PRKCZ: variants seen among roughly 807,000 people sequenced by gnomAD.
PRKCZ encodes the protein protein kinase C zeta.
In PRKCZ, 33 loss-of-function variants were observed where a neutral mutation model predicts 79.5. The ratio of observed to expected loss-of-function variants is 0.41; its 90% confidence interval spans 0.31 to 0.55. PRKCZ has a LOEUF of 0.55. Ranked by LOEUF, PRKCZ falls within the 20% of genes least tolerant of loss-of-function variation. The pLI, the probability that PRKCZ is intolerant of heterozygous loss-of-function variation, is 0.19. For synonymous variants in PRKCZ, 342 were observed against 320.9 expected (o/e 1.07, Z -0.70); for missense variants, 578 against 813.5 (o/e 0.71, Z 3.52).
chr1:2,163,886 G>A (rs890980024), intron 10 of PRKCZ, among the ~76,000 whole-genome samples: 2 of 151,714 alleles, frequency 1.3e-5, no homozygotes, highest in African/African-American at 2.4e-5. Context: ...GCGAGAGAGC[G>A]AGACTCCATC....
At chr1:2,170,076 T>G (rs1684122852) in intron 11 of PRKCZ, among the ~76,000 whole-genome samples, 1 of 152,152 alleles carries the variant, frequency 6.6e-6, no homozygotes, top group African/African-American at 2.4e-5. Flanking sequence ...TGTGCTGTCT[T>G]CATGGTGGCT....
rs772985809 is a variant in PRKCZ at position 2,174,043 on chromosome 1, C to T, written c.1405+27C>T. 5 of 1,564,952 alleles carry T rather than the reference C, an allele frequency of 3.2e-6. No individual in the cohort carries two copies. In the South Asian group the frequency reaches 4.7e-5, roughly 15 times the overall value. On this transcript the variant is annotated intron_variant, in intron 14 of 17. Transcript: ENST00000378567. The surrounding 1 kb of genome is among the most constrained non-coding windows in gnomAD (Gnocchi z 6.2). ...TGCGTGCCCCGCTGTGCGTTCGTAC[C>T]CCTCACCTGCACGACTGTCTTCCTT...
intron 4 of PRKCZ, among the ~76,000 whole-genome samples, chr1:2,111,333 G>T (rs532158761): frequency 1.3e-5 from 2 of 152,214 alleles, no homozygotes; most frequent in African/African-American, 4.8e-5. Context: ...GAGGGTCCCA[G>T]GTTGACAGGG....
chr1:2,134,498 G>A (rs1675752604), intron 4 of PRKCZ, among the ~76,000 whole-genome samples: 1 of 152,214 alleles, frequency 6.6e-6, no homozygotes, highest in Non-Finnish European at 1.5e-5. Context: ...GGGACACGGT[G>A]TTGAGGAAGG....
intron 4 of PRKCZ, among the ~76,000 whole-genome samples, chr1:2,132,637 T>C (rs781037160): frequency 1.3e-5 from 2 of 152,238 alleles, no homozygotes; most frequent in Non-Finnish European, 2.9e-5. Context: ...TCTGTTCCTA[T>C]TTTGACTGCT....
intron 4 of PRKCZ, among the ~76,000 whole-genome samples, chr1:2,081,455 T>C (rs1053336189): frequency 3.3e-5 from 5 of 152,106 alleles, no homozygotes; most frequent in Non-Finnish European, 5.9e-5. Flanking sequence ...CGGGCGAGTC[T>C]GGGCTGTGGG....
intron 4 of PRKCZ, among the ~76,000 whole-genome samples, chr1:2,112,012 G>A (rs1025795436): frequency 1.3e-5 from 2 of 152,154 alleles, no homozygotes; most frequent in Non-Finnish European, 2.9e-5. Flanking sequence ...TCTTCGAGGC[G>A]ATGTTTCCTC....
rs527530390 is a variant in PRKCZ, at chr1:2,116,723, T to G, written c.335-18539T>G. ...GTAACTTGTGTTATGAGTCTCCAAT[T>G]TGGGGTTTTTAGTTTTCAAGGTTAT... is the stretch of plus-strand genomic sequence containing the variant. On this transcript the variant is annotated intron_variant, in intron 4 of 17. Transcript: ENST00000378567. Among the ~76,000 whole-genome samples, 296 of 152,248 alleles carry G rather than the reference T, an allele frequency of 1.9e-3. 3 individuals carry two copies. Among genetic ancestry groups the G allele is most frequent in the African/African-American group, 6.7e-3 (279 of 41,524 alleles).
chr1:2,089,638 A>G (rs2102468197), intron 4 of PRKCZ, among the ~76,000 whole-genome samples: 1 of 152,200 alleles, frequency 6.6e-6, no homozygotes, highest in South Asian at 2.1e-4. Context: ...GAAGGCCACA[A>G]CCTTACCACC....
At chr1:2,164,664 C>G (rs924803568) in intron 10 of PRKCZ, among the ~76,000 whole-genome samples, 6 of 152,232 alleles carry the variant, frequency 3.9e-5, no homozygotes, top group Admixed American at 3.9e-4. Context: ...CGTCTGATCT[C>G]TAGCTTCCCT....
chr1:2,114,130 C>T (rs1045247811), intron 4 of PRKCZ, among the ~76,000 whole-genome samples: 6 of 148,772 alleles, frequency 4.0e-5, no homozygotes, highest in Non-Finnish European at 7.4e-5. Flanking sequence ...GAGGGCTGCA[C>T]CCCCCCACCC....
At chr1:2,160,478 G>A (rs1682025530) in intron 10 of PRKCZ, among the ~76,000 whole-genome samples, 1 of 152,176 alleles carries the variant, frequency 6.6e-6, no homozygotes. Context: ...CAGGCCTGTG[G>A]GAAGGACGAG....
In PRKCZ at chr1:2,172,284, T is replaced by C; in HGVS notation, c.1198-17T>C. 6.2e-7 allele frequency: 1 copy of C among 1,613,534 alleles called. No individual in the cohort carries two copies. Among genetic ancestry groups the C allele is most frequent in the Non-Finnish European group, 8.5e-7 (1 of 1,179,992 alleles). ...AGTGTCTACAAGAACCCTCTCCCAG[T>C]AACTTTGCCCCCACAGGAAGGCCTG... On this transcript the variant is annotated splice_polypyrimidine_tract_variant and intron_variant, in intron 12 of 17. Transcript: ENST00000378567. This position sits in a 1 kb window ranked among gnomAD's most constrained non-coding sequence, Gnocchi z 7.8.
intron 1 of PRKCZ, among the ~76,000 whole-genome samples, chr1:2,053,946 C>G (rs1659922286): frequency 1.3e-5 from 2 of 152,098 alleles, no homozygotes; most frequent in Admixed American, 1.3e-4. Flanking sequence ...GCTGGGTGGC[C>G]AGTTCCAGCA....
At position 2,165,830 on chromosome 1, in the gene PRKCZ, G is replaced by A. The variant is rs546511043; in HGVS notation, c.975-3688G>A. Among the ~76,000 whole-genome samples the A allele has an allele frequency of 2.3e-3, 356 of 152,298 alleles. 1 individual carries two copies. Among genetic ancestry groups the A allele is most frequent in the African/African-American group, 8.0e-3 (334 of 41,570 alleles). ...CACCTTGCATTCCTGGAAGGGGTGGGGGGAGTGGCGAGGAGGGGGCGGCAC... is the reference window on the plus strand; with the variant it reads ...CACCTTGCATTCCTGGAAGGGGTGGAGGGAGTGGCGAGGAGGGGGCGGCAC... On this transcript the variant is annotated intron_variant, in intron 10 of 17. Transcript: ENST00000378567. The surrounding 1 kb of genome is among the most constrained non-coding windows in gnomAD (Gnocchi z 4.1).
At chr1:2,090,568 C>T (rs1451719892) in intron 4 of PRKCZ, among the ~76,000 whole-genome samples, 3 of 152,230 alleles carry the variant, frequency 2.0e-5, no homozygotes, top group Non-Finnish European at 4.4e-5. Flanking sequence ...GGTCAGAGCC[C>T]ACCCTGGGCT....
At chr1:2,110,780 G>T (rs951725502) in intron 4 of PRKCZ, among the ~76,000 whole-genome samples, 1 of 152,092 alleles carries the variant, frequency 6.6e-6, no homozygotes, top group Non-Finnish European at 1.5e-5. Context: ...GGGGGCTGGG[G>T]TGGGGCTGGT....
chr1:2,103,432 C>T (rs973685300), intron 4 of PRKCZ, among the ~76,000 whole-genome samples: 2 of 152,230 alleles, frequency 1.3e-5, no homozygotes, highest in Non-Finnish European at 2.9e-5. Context: ...GCAGCTGGCA[C>T]GTCCAGTGGC....
intron 16 of PRKCZ, chr1:2,181,969 A>C: frequency 4.8e-6 from 2 of 419,120 alleles, no homozygotes; most frequent in South Asian, 3.4e-5. Flanking sequence ...GCTCCTCCCC[A>C]GCACCGTCTC....
Sources: gnomAD v4.1 joint callset for allele counts (sites outside exome capture counted in the v4.1 genomes callset) on GRCh38, gnomAD v4.1.1 for gene constraint, Gnocchi (gnomAD v3.1) non-coding constraint, MANE v1.5 for transcripts, NCBI Gene and HGNC (gene_info 2026-07-23, HGNC 2026-07-21) for gene names.